The following ATF7 variants were observed in gnomAD, a reference collection of about 807,000 sequenced individuals.
ATF7 encodes cyclic AMP-dependent transcription factor ATF-7.
A neutral mutation model predicts 50.4 loss-of-function variants in ATF7; 10 were observed. The observed-to-expected ratio is 0.20, with a 90% CI of 0.12 to 0.34. The LOEUF (loss-of-function observed/expected upper bound fraction) is 0.34, where lower values mean the gene tolerates loss of function less well. Ranked by LOEUF, ATF7 falls within the 10% of genes least tolerant of loss-of-function variation. The probability of loss-of-function intolerance (pLI) is 1.00; values close to 1 mark genes in which losing one functional copy is unlikely to be tolerated. For missense variants in ATF7, 465 were observed against 613.9 expected (o/e 0.76, Z 2.56); for synonymous variants, 201 against 226.4 (o/e 0.89, Z 1.01).
intron 2 of ATF7, among the ~76,000 whole-genome samples, chr12:53,571,635 C>CT (rs201699758): frequency 0.011 from 1,590 of 144,668 alleles, 23 homozygotes; most frequent in African/African-American, 0.036. Flanking sequence ...GACTCCATCT[C>CT]TTTAAAAAAA....
chr12:53,541,796 A>T (rs950696824), intron 4 of ATF7, among the ~76,000 whole-genome samples: 2 of 152,004 alleles, frequency 1.3e-5, no homozygotes, highest in African/African-American at 4.8e-5. Context: ...TTCACACTAG[A>T]TCTCTTTTCC....
At chr12:53,549,160 G>A (rs551372464) in intron 3 of ATF7, among the ~76,000 whole-genome samples, 3 of 151,352 alleles carry the variant, frequency 2.0e-5, no homozygotes, top group African/African-American at 4.8e-5. Context: ...GGCGGCGGGC[G>A]CCTGTAGTCC....
rs1301115871 is a variant in ATF7, at chr12:53,516,876, A to T, written c.*261T>A. 1 of 527,596 alleles carries T rather than the reference A, an allele frequency of 1.9e-6. No homozygotes were observed. Among genetic ancestry groups the T allele is most frequent in the Non-Finnish European group, 3.4e-6 (1 of 290,484 alleles). The allele number at this position is 527,596 out of a possible 1,614,324, so 32.7% of individuals were successfully genotyped here. A position where few individuals can be genotyped will look rare whatever the true frequency, so the allele number is the denominator to read the frequency against. On this transcript the variant is annotated 3_prime_UTR_variant, in exon 12 of 12. Coordinates refer to ENST00000420353, the MANE Select transcript of ATF7 (RefSeq NM_006856.3). ...GGGTGATTGTTCGGACCATCTGGAA[A>T]GGCCTTTGGCTGTGGATGCATCAGA...
downstream of ATF7, among the ~76,000 whole-genome samples, chr12:53,508,668 A>G (rs117845459): frequency 4.0e-3 from 615 of 152,186 alleles, 3 homozygotes; most frequent in Non-Finnish European, 6.2e-3. Flanking sequence ...ACTAGAGAGC[A>G]CTGCTTCCGA....
At position 53,537,360 on chromosome 12, in the gene ATF7, A is replaced by G. The variant is rs1292358712; in HGVS notation, c.402+55T>C. 1.9e-6 allele frequency: 3 copies of G among 1,599,318 alleles called. No homozygotes were observed. The East Asian group carries it at 6.7e-5, about 36-fold the overall frequency. On this transcript the variant is annotated intron_variant, in intron 5 of 11. Transcript: ENST00000420353. ...TTAGGACATACTATTTATATAATTA[A>G]TGAATCAAAACTTTATCAATTAACA...
chr12:53,571,640 A>T (rs373318332), intron 2 of ATF7, among the ~76,000 whole-genome samples: 289 of 145,858 alleles, frequency 2.0e-3, no homozygotes, highest in Admixed American at 2.3e-3. Context: ...CATCTCTTTA[A>T]AAAAAAAAAA....
chr12:53,616,945 C>CAA (rs548267926), intron 1 of ATF7, among the ~76,000 whole-genome samples: 54 of 80,138 alleles, frequency 6.7e-4, no homozygotes, highest in Admixed American at 1.4e-3. Context: ...ACTCTGTCTC[C>CAA]AAAAAAAAAA....
rs558313426 is a variant in ATF7, at chr12:53,562,575, C to T, written c.49-9938G>A. ...GGAGAATCACTTGAACCCAGAAGGC[C>T]GGTGAGCCGAGATTGTGCCACTGCA... On this transcript the variant is annotated intron_variant, in intron 2 of 11. Transcript: ENST00000420353. 4.1e-4 allele frequency among the ~76,000 whole-genome samples: 62 copies of T among 151,648 alleles called. No homozygotes were observed. The South Asian group carries it at 7.3e-3, about 18-fold the overall frequency.
chr12:53,616,305 C>T (rs912798334), intron 1 of ATF7, among the ~76,000 whole-genome samples: 1 of 152,144 alleles, frequency 6.6e-6, no homozygotes, highest in Non-Finnish European at 1.5e-5. Flanking sequence ...TCACTGAAAC[C>T]CCCGCCTCCC....
rs1334619128 is a variant in ATF7, at chr12:53,517,108, G to A, written c.*29C>T. On this transcript the variant is annotated 3_prime_UTR_variant, in exon 12 of 12. Coordinates refer to ENST00000420353, the MANE Select transcript of ATF7 (RefSeq NM_006856.3). The stretch of plus-strand genomic sequence containing the variant: ...CTTGGCTCTTGGGCGGGCGAGCTCT[G>A]GCTGAGGACCTCTCCACCAGAGGAG... 1.7e-5 allele frequency: 28 copies of A among 1,603,456 alleles called. No homozygotes were observed. Among genetic ancestry groups the A allele is most frequent in the Non-Finnish European group, 2.4e-5 (28 of 1,178,232 alleles).
At chr12:53,582,264 GGTTGCAGTGAGCCGAGATCATGCC>G (rs1333392279) in intron 2 of ATF7, among the ~76,000 whole-genome samples, 1 of 151,452 alleles carries the variant, frequency 6.6e-6, no homozygotes, top group Admixed American at 6.6e-5. Context: ...GGGAGGTGTA[GGTTGCAGTGAGCCGAGATCATGCC>G]ACTACACTCC....
At position 53,595,731 on chromosome 12, in the gene ATF7, G is replaced by C. The variant is rs546663402; in HGVS notation, c.48+5222C>G. On this transcript the variant is annotated intron_variant, in intron 2 of 11. Coordinates refer to ENST00000420353, the MANE Select transcript of ATF7 (RefSeq NM_006856.3). ...TTATTCCTATTATATGACAAGATAAGGAGGTACAAGAAGCTGCCCTCAATC... is the reference window on the plus strand; with the variant it reads ...TTATTCCTATTATATGACAAGATAACGAGGTACAAGAAGCTGCCCTCAATC... Among the ~76,000 whole-genome samples the C allele has an allele frequency of 3.9e-5, 6 of 152,290 alleles. No individual in the cohort carries two copies. The South Asian group carries it at 8.3e-4, about 21-fold the overall frequency.
rs893698908 is a variant in ATF7 at position 53,549,122 on chromosome 12, TA to T, written c.145+3418del. Among the ~76,000 whole-genome samples, 97 of 151,008 alleles carry T rather than the reference TA, an allele frequency of 6.4e-4. 1 individual carries two copies. Among genetic ancestry groups the T allele is most frequent in the Admixed American group, 1.7e-3 (26 of 15,168 alleles). ...TAACGCGGTGAAACCCCGTCTCTAC[TA>T]AAAATACAAAAAAATTAGCCAGGTG... On this transcript the variant is annotated intron_variant, in intron 3 of 11. Coordinates refer to ENST00000420353, the MANE Select transcript of ATF7 (RefSeq NM_006856.3).
chr12:53,517,877 T>C lies in ATF7; in HGVS notation c.1235-523A>G, dbSNP rs1007866905. Among the ~76,000 whole-genome samples, 37 of 152,340 alleles carry C rather than the reference T, an allele frequency of 2.4e-4. 1 individual carries two copies. The highest frequency in any genetic ancestry group is 2.2e-3 in the Admixed American group (34 of 15,306). ...TCCATTATTTTATTTATTTATTTTT[T>C]TTCCTAAGACTGAGTCTTGCTCTGT... is the stretch of plus-strand genomic sequence containing the variant. On this transcript the variant is annotated intron_variant, in intron 11 of 11. Transcript: ENST00000420353.
intron 9 of ATF7, among the ~76,000 whole-genome samples, chr12:53,530,663 A>C (rs1355016903): frequency 6.6e-6 from 1 of 151,908 alleles, no homozygotes; most frequent in Non-Finnish European, 1.5e-5. Flanking sequence ...GCTGGAGTGC[A>C]GTGGTGTGAT....
intron 1 of ATF7, among the ~76,000 whole-genome samples, chr12:53,625,268 G>C (rs1364378196): frequency 6.6e-6 from 1 of 152,188 alleles, no homozygotes; most frequent in East Asian, 1.9e-4. Flanking sequence ...TCTGGGAAGA[G>C]TTTGGGTAAT....
intron 1 of ATF7, among the ~76,000 whole-genome samples, chr12:53,623,271 T>C (rs1944475230): frequency 6.6e-6 from 1 of 152,098 alleles, no homozygotes; most frequent in African/African-American, 2.4e-5. Context: ...TTTTCACATA[T>C]CATAAATTTA....
chr12:53,572,207 C>T (rs956331630), intron 2 of ATF7, among the ~76,000 whole-genome samples: 7 of 152,154 alleles, frequency 4.6e-5, no homozygotes, highest in African/African-American at 1.7e-4. Context: ...TCTATCCTAA[C>T]AACAAATAAA....
At chr12:53,508,473 T>G (rs1365088300), downstream of ATF7, among the ~76,000 whole-genome samples, 1 of 150,558 alleles carries the variant, frequency 6.6e-6, no homozygotes, top group Middle Eastern at 3.2e-3. Context: ...GGCAGGAGAA[T>G]CGCTTGAATC....
Sources: allele counts gnomAD v4.1 joint callset (sites outside exome capture counted in the v4.1 genomes callset), GRCh38; gene constraint gnomAD v4.1.1; transcripts MANE v1.5; gene names NCBI Gene and HGNC (gene_info 2026-07-23, HGNC 2026-07-21).